ALK: variants seen among roughly 807,000 people sequenced by gnomAD.
ALK encodes ALK receptor tyrosine kinase.
A neutral mutation model predicts 163.1 loss-of-function variants in ALK; 74 were observed. The observed-to-expected ratio is 0.45, with a 90% CI of 0.38 to 0.55. ALK has a LOEUF of 0.55. ALK is among the 20% of genes least tolerant of loss of function. The pLI, the probability that ALK is intolerant of heterozygous loss-of-function variation, is 0.00. For missense variants in ALK, 2,063 were observed against 2,105.3 expected, an observed-to-expected ratio of 0.98 and a Z score of 0.39; for synonymous variants, 960 against 843.2, an observed-to-expected ratio of 1.14 and a Z score of -2.40.
intron 3 of ALK, among the ~76,000 whole-genome samples, chr2:29,681,703 C>T (rs1573551748): frequency 6.6e-6 from 1 of 152,040 alleles, no homozygotes; most frequent in African/African-American, 2.4e-5. Context: ...CAGCCCCATC[C>T]CACTTCCCTC....
At chr2:29,532,618 C>T (rs927607852) in intron 3 of ALK, among the ~76,000 whole-genome samples, 4 of 152,192 alleles carry the variant, frequency 2.6e-5, no homozygotes, top group Admixed American at 6.5e-5. Context: ...CAACTGGTCT[C>T]CACAGAAAAA....
At chr2:29,919,635 A>G (rs1667931247) in intron 1 of ALK, among the ~76,000 whole-genome samples, 1 of 152,176 alleles carries the variant, frequency 6.6e-6, no homozygotes, top group Admixed American at 6.5e-5. Context: ...GACATCTACT[A>G]CTAAGCTTGG....
At chr2:29,255,978 G>T (rs925355046) in intron 11 of ALK, among the ~76,000 whole-genome samples, 5 of 152,156 alleles carry the variant, frequency 3.3e-5, no homozygotes, top group African/African-American at 1.2e-4. Context: ...AATCTGGCAG[G>T]TACTTCAGGT....
chr2:29,842,557 C>T (rs1325280416), intron 1 of ALK, among the ~76,000 whole-genome samples: 1 of 152,168 alleles, frequency 6.6e-6, no homozygotes, highest in Non-Finnish European at 1.5e-5. Flanking sequence ...CACTCAAGTT[C>T]CCAGGTTAGT....
chr2:29,452,663 CA>C (rs971954908), intron 4 of ALK, among the ~76,000 whole-genome samples: 7 of 152,102 alleles, frequency 4.6e-5, no homozygotes, highest in Non-Finnish European at 7.4e-5. Context: ...ATGGAGAAAA[CA>C]GAAACTTTAG....
intron 4 of ALK, among the ~76,000 whole-genome samples, chr2:29,390,259 G>A (rs1457401335): frequency 6.6e-6 from 1 of 152,176 alleles, no homozygotes; most frequent in Non-Finnish European, 1.5e-5. Flanking sequence ...TGCTGGTCAT[G>A]AGCGCCAAGT....
chr2:29,668,145 T>A (rs1256875472), intron 3 of ALK, among the ~76,000 whole-genome samples: 1 of 152,094 alleles, frequency 6.6e-6, no homozygotes, highest in Non-Finnish European at 1.5e-5. Flanking sequence ...CCCCTCTTCA[T>A]TTCTAATTTC....
chr2:29,278,982 G>C (rs1036940266), intron 9 of ALK, among the ~76,000 whole-genome samples: 1 of 24,392 alleles, frequency 4.1e-5, no homozygotes, highest in African/African-American at 5.5e-5. Context: ...GTGTGCCTGG[G>C]GGGGGGGACA....
chr2:29,613,916 G>C (rs192267348), intron 3 of ALK, among the ~76,000 whole-genome samples: 119 of 152,276 alleles, frequency 7.8e-4, no homozygotes, highest in African/African-American at 1.9e-3. Flanking sequence ...CAGGAAAAAG[G>C]GGGGGTTCTA....
intron 3 of ALK, among the ~76,000 whole-genome samples, chr2:29,688,479 G>A (rs1425282453): frequency 6.6e-6 from 1 of 152,174 alleles, no homozygotes; most frequent in Non-Finnish European, 1.5e-5. Context: ...AACATGGTAG[G>A]AGTACATGCT....
chr2:29,416,497 G>A (rs1227080792), intron 4 of ALK, among the ~76,000 whole-genome samples: 2 of 152,134 alleles, frequency 1.3e-5, no homozygotes, highest in South Asian at 2.1e-4. Flanking sequence ...GGTTGTCAAA[G>A]GCAATTTTCT....
chr2:29,553,379 C>T (rs757767452), intron 3 of ALK, among the ~76,000 whole-genome samples: 19 of 152,124 alleles, frequency 1.2e-4, no homozygotes, highest in South Asian at 2.1e-4. Context: ...TCCAGAACTG[C>T]GAGAAATAAA....
chr2:29,398,893 G>A (rs956702279), intron 4 of ALK, among the ~76,000 whole-genome samples: 4 of 152,142 alleles, frequency 2.6e-5, no homozygotes, highest in Non-Finnish European at 5.9e-5. Context: ...TCAAAGCGCT[G>A]GTGGCCTCTG....
intron 3 of ALK, among the ~76,000 whole-genome samples, chr2:29,577,615 A>G (rs1279331697): frequency 6.6e-6 from 1 of 151,134 alleles, no homozygotes; most frequent in Non-Finnish European, 1.5e-5. Context: ...CTACAGTTCT[A>G]GGCATCACTG....
At chr2:29,598,365 T>TTTCG (rs1553336829) in intron 3 of ALK, among the ~76,000 whole-genome samples, 1 of 151,424 alleles carries the variant, frequency 6.6e-6, no homozygotes, top group Admixed American at 6.6e-5. Flanking sequence ...GTTGTTTGTT[T>TTTCG]TTTGTTTGTT....
At chr2:29,619,001 A>T (rs200810835) in intron 3 of ALK, among the ~76,000 whole-genome samples, 171 of 18,838 alleles carry the variant, frequency 9.1e-3, no homozygotes, top group South Asian at 0.021. Context: ...AAAAATAAAT[A>T]AAAAAAAAAA....
At chr2:29,269,191 C>A (rs1046682697) in intron 11 of ALK, among the ~76,000 whole-genome samples, 2 of 152,202 alleles carry the variant, frequency 1.3e-5, no homozygotes, top group Non-Finnish European at 2.9e-5. Context: ...GTGACTGTCA[C>A]CCTGTGTTCA....
At chr2:29,287,526 C>T (rs888252665) in intron 9 of ALK, among the ~76,000 whole-genome samples, 1 of 152,018 alleles carries the variant, frequency 6.6e-6, no homozygotes, top group Admixed American at 6.6e-5. Flanking sequence ...TGTGGTAATT[C>T]TAACCCTGAA....
At chr2:29,523,891 T>G (rs10189622) in intron 4 of ALK, among the ~76,000 whole-genome samples, 102,709 of 113,064 alleles carry the variant, frequency 0.91, 46,689 homozygotes, top group East Asian at 0.98. Flanking sequence ...TTTTTTTTTT[T>G]ATGCCCATCA....
Sources: allele counts gnomAD v4.1 joint callset (sites outside exome capture counted in the v4.1 genomes callset), GRCh38; gene constraint gnomAD v4.1.1; transcripts MANE v1.5; gene names NCBI Gene and HGNC (gene_info 2026-07-23, HGNC 2026-07-21).